The following RBBP8 variants were observed in gnomAD, a reference collection of about 807,000 sequenced individuals.
The protein encoded by RBBP8 is DNA endonuclease RBBP8.
RBBP8 carries 88 observed loss-of-function variants against 108.3 expected under a neutral mutation model. The observed-to-expected ratio is 0.81, with a 90% CI of 0.68 to 0.97. The LOEUF (loss-of-function observed/expected upper bound fraction) is 0.97. RBBP8 is among the 50% of genes least tolerant of loss of function. RBBP8 has a pLI of 0.00. For missense variants in RBBP8, 1,023 were observed against 1,049.0 expected, an observed-to-expected ratio of 0.98 and a Z score of 0.34; for synonymous variants, 332 against 348.2, an observed-to-expected ratio of 0.95 and a Z score of 0.52.
chr18:22,985,071 AC>A, intron 8 of RBBP8, 81 bp downstream of exon 8: 1 of 1,564,390 alleles, frequency 6.4e-7, no homozygotes. Context: ...TCTAACTTAG[AC>A]AATATTTTAA....
chr18:23,001,139 A>G (rs1043288164), intron 14 of RBBP8, among the ~76,000 whole-genome samples: 5 of 152,188 alleles, frequency 3.3e-5, no homozygotes, highest in Non-Finnish European at 7.3e-5. Context: ...TTTGTTACTC[A>G]CTTATATTCA....
intron 3 of RBBP8, among the ~76,000 whole-genome samples, chr18:22,947,387 G>A (rs965192593): frequency 6.7e-6 from 1 of 149,388 alleles, no homozygotes; most frequent in African/African-American, 2.5e-5. Context: ...CCCCATATAT[G>A]ACATTTGATT....
chr18:22,945,446 G>C (rs1046265668), intron 2 of RBBP8, among the ~76,000 whole-genome samples: 1 of 151,768 alleles, frequency 6.6e-6, no homozygotes, highest in Admixed American at 6.6e-5. Flanking sequence ...GGAGTGCAAT[G>C]GCGGGATCTC....
intron 10 of RBBP8, among the ~76,000 whole-genome samples, chr18:22,992,416 G>A (rs568074627): frequency 6.6e-6 from 1 of 152,242 alleles, no homozygotes; most frequent in Non-Finnish European, 1.5e-5. Context: ...GGCTGGCCTC[G>A]AACTTCTGGC....
At chr18:22,984,815 TAAA>T (rs1338530076) in intron 7 of RBBP8, 68 bp from the exon 8 acceptor site, 2 of 892,618 alleles carry the variant, frequency 2.2e-6, no homozygotes, top group African/African-American at 1.7e-5. Context: ...TATGAATAAA[TAAA>T]AATAATTTGA....
rs545532142 is a variant in RBBP8 at position 22,924,153 on chromosome 18, G to T, written c.-153-5230G>T. Among the ~76,000 whole-genome samples the T allele has an allele frequency of 1.1e-3, 122 of 112,040 alleles. No individual in the cohort carries two copies. The Middle Eastern group carries it at 0.037, about 34-fold the overall frequency. 73.5% of individuals were successfully genotyped at this position (112,040 alleles called of 152,430 possible). On this transcript the variant is annotated intron_variant, in intron 3 of 4. Transcript: ENST00000577588. The stretch of plus-strand genomic sequence containing the variant: ...TTTTTTTTTTTTTTTTTTTTGAGAC[G>T]GAGTCTCACTCTGTCATCAGGCTGG...
intron 6 of RBBP8, among the ~76,000 whole-genome samples, chr18:22,981,036 G>A (rs111428738): frequency 8.4e-5 from 7 of 83,270 alleles, no homozygotes; most frequent in Non-Finnish European, 1.4e-4. Context: ...GCAGTGGCAC[G>A]ATCTCAGCTC....
intron 4 of RBBP8, among the ~76,000 whole-genome samples, chr18:22,957,912 T>A (rs1296373986): frequency 6.6e-6 from 1 of 152,198 alleles, no homozygotes; most frequent in African/African-American, 2.4e-5. Flanking sequence ...AAAATCCCTC[T>A]CCTGTATTTG....
intron 6 of RBBP8, 137 bp downstream of exon 6, chr18:22,975,356 A>G (rs1914425351): frequency 1.5e-6 from 2 of 1,332,342 alleles, no homozygotes; most frequent in South Asian, 1.5e-5. Flanking sequence ...AAATCACTAC[A>G]TTTTTGTGTT....
rs1450202076 is a variant in RBBP8 at position 22,949,700 on chromosome 18, G to A, written c.235G>A (p.Val79Ile). ...QQKVLHETIK[V>I]LEDRLRAGLC... Reference sequence around the variant, plus strand: ...GAAAGTCCTTCATGAAACCATTAAAGTTTTAGAAGATCGGTGAGTCTGGCA... The same window carrying A: ...GAAAGTCCTTCATGAAACCATTAAAATTTTAGAAGATCGGTGAGTCTGGCA... The change falls in exon 4 of 19, where the codon GTT (valine) becomes ATT (isoleucine). Residue 79 changes from valine (V) to isoleucine (I), a missense_variant. Coordinates refer to ENST00000327155, the MANE Select transcript of RBBP8 (RefSeq NM_002894.3). 9 of 1,611,008 alleles carry A rather than the reference G, an allele frequency of 5.6e-6. No homozygotes were observed. Among genetic ancestry groups the A allele is most frequent in the Admixed American group, 3.3e-5 (2 of 60,000 alleles).
chr18:22,930,738 G>T (rs1295518980), upstream of RBBP8, among the ~76,000 whole-genome samples: 2 of 152,104 alleles, frequency 1.3e-5, no homozygotes, highest in Non-Finnish European at 2.9e-5. Context: ...GCTAGTTCCT[G>T]GAGATAAAAG....
rs116163207 is a variant in RBBP8, at chr18:22,946,144, C to T, written c.110-300C>T. Among the ~76,000 whole-genome samples, 930 of 152,320 alleles carry T rather than the reference C, an allele frequency of 6.1e-3. 10 individuals are homozygous for T. Among genetic ancestry groups the T allele is most frequent in the African/African-American group, 0.021 (891 of 41,576 alleles). ...CTGTTAGCAAATACACAGGCTATGT[C>T]AGAACATAGACCTTCATTTACAGTG... On this transcript the variant is annotated intron_variant, in intron 2 of 18. Transcript: ENST00000327155.
intron 5 of RBBP8, 130 bp from the exon 6 acceptor site, chr18:22,975,023 T>C: frequency 8.3e-7 from 1 of 1,203,846 alleles, no homozygotes; most frequent in Non-Finnish European, 1.1e-6. Context: ...GTGTTAACCC[T>C]GAATAAACAT....
intron 3 of RBBP8, among the ~76,000 whole-genome samples, chr18:22,946,919 G>A (rs1911613565): frequency 6.6e-6 from 1 of 152,006 alleles, no homozygotes. Context: ...AACTAAATGG[G>A]TATTTTAAGA....
intron 5 of RBBP8, among the ~76,000 whole-genome samples, chr18:22,970,746 GA>G (rs1914014525): frequency 6.6e-6 from 1 of 152,086 alleles, no homozygotes; most frequent in Admixed American, 6.5e-5. Flanking sequence ...TTAATTTAGT[GA>G]ATAACTAAGA....
At chr18:22,951,552 C>A (rs146987040) in intron 4 of RBBP8, among the ~76,000 whole-genome samples, 27 of 152,272 alleles carry the variant, frequency 1.8e-4, no homozygotes, top group African/African-American at 6.0e-4. Flanking sequence ...CCCCTACCAA[C>A]AAGCAAACAA....
At chr18:22,965,143 G>A (rs1401061837) in intron 4 of RBBP8, among the ~76,000 whole-genome samples, 1 of 151,962 alleles carries the variant, frequency 6.6e-6, no homozygotes, top group Non-Finnish European at 1.5e-5. Context: ...GACTGTGATA[G>A]CATTGGCATT....
chr18:22,947,185 TAA>T (rs1911632938), intron 3 of RBBP8, among the ~76,000 whole-genome samples: 1 of 152,130 alleles, frequency 6.6e-6, no homozygotes, highest in Admixed American at 6.5e-5. Context: ...TGTTTTCTTT[TAA>T]AATTATTTTA....
At chr18:22,977,213 T>A (rs546515672) in intron 6 of RBBP8, among the ~76,000 whole-genome samples, 1 of 141,848 alleles carries the variant, frequency 7.0e-6, no homozygotes, top group East Asian at 1.9e-4. Flanking sequence ...TTTTGTTTTG[T>A]TTTGTTTTTA....
Sources: gnomAD v4.1 joint callset for allele counts (sites outside exome capture counted in the v4.1 genomes callset) on GRCh38, gnomAD v4.1.1 for gene constraint, MANE v1.5 for transcripts, NCBI Gene and HGNC (gene_info 2026-07-23, HGNC 2026-07-21) for gene names.